Variants in SLC35F1 observed in about 807,000 individuals in gnomAD.
SLC35F1 encodes solute carrier family 35 member F1.
Under a neutral mutation model 48.7 loss-of-function variants are expected in SLC35F1, and 14 were observed. The observed-to-expected ratio is 0.29, with a 90% CI of 0.19 to 0.45. SLC35F1 has a LOEUF of 0.45. SLC35F1 is among the 20% of genes least tolerant of loss of function. The probability of loss-of-function intolerance (pLI) is 1.00; values close to 1 mark genes in which losing one functional copy is unlikely to be tolerated. For missense variants in SLC35F1, 404 were observed against 500.0 expected (o/e 0.81, Z 1.83); for synonymous variants, 190 against 202.2 (o/e 0.94, Z 0.51).
intron 2 of SLC35F1, among the ~76,000 whole-genome samples, chr6:118,162,566 A>T (rs1774252393): frequency 6.6e-6 from 1 of 152,194 alleles, no homozygotes; most frequent in Admixed American, 6.5e-5. Context: ...GGGGAAAAAA[A>T]AGAAAATTAA....
intron 3 of SLC35F1, among the ~76,000 whole-genome samples, chr6:118,259,217 T>C (rs1455848475): frequency 6.6e-6 from 1 of 151,932 alleles, no homozygotes; most frequent in Admixed American, 6.6e-5. Flanking sequence ...AAATTGGCAA[T>C]AAAAAAGATA....
At chr6:118,142,420 C>T (rs188505416) in intron 1 of SLC35F1, among the ~76,000 whole-genome samples, 9 of 152,308 alleles carry the variant, frequency 5.9e-5, no homozygotes, top group Admixed American at 2.0e-4. Context: ...TTCTTTCCCA[C>T]TGGTCTATCC....
chr6:118,073,999 A>G (rs372909264), intron 1 of SLC35F1, among the ~76,000 whole-genome samples: 1 of 152,186 alleles, frequency 6.6e-6, no homozygotes, highest in Admixed American at 6.5e-5. Flanking sequence ...AAATTGAAAA[A>G]TGTTTCCTGT....
chr6:118,084,643 G>A (rs1273587866), intron 1 of SLC35F1, among the ~76,000 whole-genome samples: 1 of 152,058 alleles, frequency 6.6e-6, no homozygotes, highest in Non-Finnish European at 1.5e-5. Context: ...TCCAAACTAG[G>A]GGGTTTCAAA....
intron 1 of SLC35F1, among the ~76,000 whole-genome samples, chr6:118,099,601 T>C: frequency 6.6e-6 from 1 of 151,990 alleles, no homozygotes; most frequent in African/African-American, 2.4e-5. Context: ...ATTCATGCAG[T>C]CTCTCATCTA....
Position 117,907,795 on chromosome 6 carries a change from G to T in SLC35F1, c.69G>T (p.Val23=), listed in dbSNP as rs1320103323. ...PPSPAPPNHV[V]TTIENLPAEG... The stretch of plus-strand genomic sequence containing the variant: ...CGCCAGCCCCGCCGAACCATGTGGT[G>T]ACCACCATCGAGAACCTGCCGGCCG... Residue 23 remains valine (V), a synonymous_variant, in exon 1 of 8, where the codon GTG becomes GTT. Coordinates refer to ENST00000360388, the MANE Select transcript of SLC35F1 (RefSeq NM_001029858.4). The T allele has an allele frequency of 6.4e-7, 1 of 1,558,896 alleles. No individual in the cohort carries two copies. The highest frequency in any genetic ancestry group is 1.1e-5 in the South Asian group (1 of 87,630).
chr6:117,965,558 C>G (rs1776550722), intron 1 of SLC35F1, among the ~76,000 whole-genome samples: 1 of 152,176 alleles, frequency 6.6e-6, no homozygotes, highest in Non-Finnish European at 1.5e-5. Flanking sequence ...CCTCCCTCCC[C>G]AAAAGGATTC....
At chr6:118,068,539 A>G (rs1179652196) in intron 1 of SLC35F1, among the ~76,000 whole-genome samples, 3 of 152,208 alleles carry the variant, frequency 2.0e-5, no homozygotes, top group African/African-American at 7.2e-5. Context: ...AAACTTGGCA[A>G]AAAGAGTCTG....
chr6:118,004,932 A>G (rs542958541), intron 1 of SLC35F1, among the ~76,000 whole-genome samples: 55 of 152,116 alleles, frequency 3.6e-4, no homozygotes, highest in African/African-American at 1.3e-3. Flanking sequence ...AAGGGAATAT[A>G]CAGTCTCAGG....
Position 118,315,215 on chromosome 6 carries a change from C to T in SLC35F1, c.*963C>T, listed in dbSNP as rs1776417114. The T allele has an allele frequency of 1.3e-5, 2 of 152,444 alleles. No homozygotes were observed. Among genetic ancestry groups the T allele is most frequent in the Non-Finnish European group, 2.9e-5 (2 of 68,008 alleles). The allele number at this position is 152,444 out of a possible 1,614,324, so 9.4% of individuals were successfully genotyped here. A position where few individuals can be genotyped will look rare whatever the true frequency, so the allele number is the denominator to read the frequency against. On this transcript the variant is annotated 3_prime_UTR_variant, in exon 8 of 8. Coordinates refer to ENST00000360388, the MANE Select transcript of SLC35F1 (RefSeq NM_001029858.4). The stretch of plus-strand genomic sequence containing the variant: ...CTCTGCCCTTTTAATTCTGTGACAC[C>T]TTTTTAAAAATACACCAGCATGGAA...
intron 1 of SLC35F1, among the ~76,000 whole-genome samples, chr6:117,991,325 C>T (rs184540039): frequency 6.3e-4 from 96 of 152,156 alleles, no homozygotes; most frequent in African/African-American, 2.1e-3. Context: ...TGCTGGTGCC[C>T]TGGCCACCTA....
chr6:117,924,466 ATATATACATATGTATATACG>A (rs71012376), intron 1 of SLC35F1, among the ~76,000 whole-genome samples: 783 of 18,144 alleles, frequency 0.043, 42 homozygotes, highest in Middle Eastern at 0.31. Context: ...ATGTGTGTAC[ATATATACATATGTATATACG>A]TATATACATA....
At chr6:118,020,060 A>G (rs796412041) in intron 1 of SLC35F1, among the ~76,000 whole-genome samples, 50 of 152,306 alleles carry the variant, frequency 3.3e-4, no homozygotes, top group African/African-American at 1.2e-3. Flanking sequence ...ATTTTAACAA[A>G]ATGTTCATAT....
chr6:118,037,707 A>G (rs56993874), intron 1 of SLC35F1, among the ~76,000 whole-genome samples: 8,360 of 152,236 alleles, frequency 0.055, 790 homozygotes, highest in African/African-American at 0.19. Context: ...GAATGAGTTC[A>G]TGTCCTTTGC....
chr6:118,251,632 C>A (rs776789275), intron 3 of SLC35F1, among the ~76,000 whole-genome samples: 7 of 152,104 alleles, frequency 4.6e-5, no homozygotes, highest in Non-Finnish European at 8.8e-5. Flanking sequence ...AGATCCCTTG[C>A]ATGATCTGAT....
intron 1 of SLC35F1, among the ~76,000 whole-genome samples, chr6:118,082,013 C>T (rs1419247743): frequency 6.6e-6 from 1 of 152,190 alleles, no homozygotes; most frequent in Non-Finnish European, 1.5e-5. Context: ...TTTAAAGATT[C>T]TGATGATCAG....
chr6:118,256,901 A>G (rs922208209), intron 3 of SLC35F1, among the ~76,000 whole-genome samples: 2 of 152,178 alleles, frequency 1.3e-5, no homozygotes. Flanking sequence ...GTGAAGATTC[A>G]GTTATCCCAT....
chr6:118,023,443 T>C (rs1269871937), intron 1 of SLC35F1, among the ~76,000 whole-genome samples: 1 of 152,180 alleles, frequency 6.6e-6, no homozygotes, highest in Non-Finnish European at 1.5e-5. Flanking sequence ...CAGAATATAA[T>C]CACTGAGAGA....
intron 1 of SLC35F1, among the ~76,000 whole-genome samples, chr6:118,043,095 G>T (rs552901142): frequency 6.6e-5 from 10 of 152,220 alleles, no homozygotes; most frequent in African/African-American, 2.4e-4. Context: ...TATCTCACTG[G>T]GTAGACTGTT....
Sources: allele counts gnomAD v4.1 joint callset (sites outside exome capture counted in the v4.1 genomes callset), GRCh38; gene constraint gnomAD v4.1.1; transcripts MANE v1.5; gene names NCBI Gene and HGNC (gene_info 2026-07-23, HGNC 2026-07-21).